The following PCNT variants were observed in gnomAD, a reference collection of about 807,000 sequenced individuals.
PCNT encodes the protein pericentrin.
PCNT carries 319 observed loss-of-function variants against 380.4 expected under a neutral mutation model. That is an observed-to-expected ratio of 0.84 (90% confidence interval 0.77 to 0.92). PCNT has a LOEUF of 0.92. PCNT is among the 40% of genes least tolerant of loss of function. PCNT has a pLI of 0.00. For synonymous variants in PCNT, 1,845 were observed against 1,735.2 expected (o/e 1.06, Z -1.57); for missense variants, 4,400 against 4,255.3 (o/e 1.03, Z -0.95).
intron 10 of PCNT, among the ~76,000 whole-genome samples, chr21:46,353,718 G>A (rs2084362337): frequency 3.0e-5 from 2 of 67,000 alleles, no homozygotes; most frequent in Admixed American, 1.4e-4. Context: ...TCCTCCAGGT[G>A]TGTGTGTGTG....
At chr21:46,438,958 C>T (rs909410787) in intron 41 of PCNT, among the ~76,000 whole-genome samples, 7 of 152,056 alleles carry the variant, frequency 4.6e-5, no homozygotes, top group South Asian at 2.1e-4. Flanking sequence ...CATGAGCCAC[C>T]GTGCCCGGCC....
chr21:46,444,854 C>T (rs753559224), intron 46 of PCNT, 33 bp downstream of exon 46: 2 of 1,601,146 alleles, frequency 1.2e-6, no homozygotes, highest in Non-Finnish European at 1.7e-6. Flanking sequence ...ATTTATTAAG[C>T]TGATTATCAC....
At chr21:46,407,337 T>C (rs2086648175) in intron 27 of PCNT, among the ~76,000 whole-genome samples, 1 of 129,378 alleles carries the variant, frequency 7.7e-6, no homozygotes. Flanking sequence ...GTTTATACTT[T>C]CTCTTTTTTT....
intron 2 of PCNT, among the ~76,000 whole-genome samples, chr21:46,333,016 G>A (rs2083605886): frequency 6.6e-6 from 1 of 152,250 alleles, no homozygotes; most frequent in African/African-American, 2.4e-5. Flanking sequence ...AGGTGGCTGA[G>A]GCAGGAGGAT....
At chr21:46,424,453 A>G (rs1375578878) in intron 32 of PCNT, among the ~76,000 whole-genome samples, 1 of 152,120 alleles carries the variant, frequency 6.6e-6, no homozygotes, top group East Asian at 1.9e-4. Context: ...TAAGGTACCC[A>G]CTGGTCTCTG....
chr21:46,381,878 T>A, intron 16 of PCNT, 38 bp downstream of exon 16: 1 of 1,608,860 alleles, frequency 6.2e-7, no homozygotes, highest in Non-Finnish European at 8.5e-7. Context: ...ATAAGACGTG[T>A]ATAGCATAAA....
chr21:46,326,640 T>A, intron 2 of PCNT, 51 bp downstream of exon 2: 2 of 1,547,594 alleles, frequency 1.3e-6, no homozygotes, highest in Middle Eastern at 1.8e-4. Flanking sequence ...TTCTAGTGAT[T>A]TCTAGTGTGA....
chr21:46,398,820 C>CTT (rs11331073), intron 24 of PCNT, among the ~76,000 whole-genome samples: 10 of 114,560 alleles, frequency 8.7e-5, no homozygotes, highest in East Asian at 4.9e-4. Flanking sequence ...TTTTCTTTTT[C>CTT]TTTTTTTTTT....
intron 37 of PCNT, 158 bp from the exon 38 acceptor site, chr21:46,431,371 A>G (rs1383912656): frequency 6.8e-7 from 1 of 1,469,152 alleles, no homozygotes; most frequent in East Asian, 2.5e-5. Context: ...TACTTGATGA[A>G]CTAACAAAAA....
chr21:46,379,265 G>A (rs1195741532), intron 15 of PCNT, among the ~76,000 whole-genome samples: 1 of 152,054 alleles, frequency 6.6e-6, no homozygotes, highest in Non-Finnish European at 1.5e-5. Context: ...CGTCTTCCTG[G>A]GCTGCGTGTC....
chr21:46,338,906 G>A (rs939031794), intron 3 of PCNT, among the ~76,000 whole-genome samples: 1 of 152,054 alleles, frequency 6.6e-6, no homozygotes, highest in African/African-American at 2.4e-5. Flanking sequence ...TCAGCCTCCC[G>A]AGTACCTGGG....
rs1047275318 is a variant in PCNT at position 46,388,615 on chromosome 21, G to T, written c.3465-127G>T. ...CATGGGCATGAGGATCATGTCTTCC[G>T]GCCCCGTGGGGACAGGCAGCCGTGG... is the stretch of plus-strand genomic sequence containing the variant. On this transcript the variant is annotated intron_variant, in intron 17 of 46. Coordinates refer to ENST00000359568, the MANE Select transcript of PCNT (RefSeq NM_006031.6). The surrounding 1 kb of genome is among the most constrained non-coding windows in gnomAD (Gnocchi z 4.2). 8.4e-7 allele frequency: 1 copy of T among 1,189,030 alleles called. No individual in the cohort carries two copies. The highest frequency in any genetic ancestry group is 1.7e-5 in the Admixed American group (1 of 58,360). 73.7% of individuals were successfully genotyped at this position (1,189,030 alleles called of 1,614,324 possible). A position where few individuals can be genotyped will look rare whatever the true frequency, so the allele number is the denominator to read the frequency against.
At chr21:46,364,895 C>T (rs1304293490) in intron 14 of PCNT, among the ~76,000 whole-genome samples, 1 of 152,238 alleles carries the variant, frequency 6.6e-6, no homozygotes, top group Non-Finnish European at 1.5e-5. Context: ...ACCAAGGAGG[C>T]CCTCAAGAGA....
chr21:46,324,886 C>T (rs1601726835), intron 1 of PCNT: 3 of 985,346 alleles, frequency 3.0e-6, no homozygotes, highest in South Asian at 9.4e-5. Flanking sequence ...GCGTTTCTCG[C>T]GGCGTTGCAG....
rs1296500904 is a variant in PCNT, at chr21:46,401,594, T to C, written c.4835T>C (p.Leu1612Pro). The C allele has an allele frequency of 6.8e-6, 11 of 1,613,996 alleles. No individual in the cohort carries two copies. The highest frequency in any genetic ancestry group is 2.2e-5 in the East Asian group (1 of 44,896). Residue 1612 changes from leucine to proline, a missense_variant, in exon 26 of 47, where the codon CTG becomes CCG. Physicochemically the swap from Leu to Pro is moderately conservative, Grantham distance 98. Coordinates refer to ENST00000359568, the MANE Select transcript of PCNT (RefSeq NM_006031.6). ...AAACAGCAGATGAGTAGCTTGCTTC[T>C]GGCGTCCACGTTGCAGTCTACACTA... ...LKKQQMSSLLLASTLQSTLDA... is the reference protein window; with the variant it reads ...LKKQQMSSLLPASTLQSTLDA...
chr21:46,426,069 C>CA, intron 33 of PCNT, 98 bp downstream of exon 33: 2 of 306,148 alleles, frequency 6.5e-6, no homozygotes, highest in Non-Finnish European at 5.5e-6. Context: ...GGATTTCTTT[C>CA]TTTTTTTTTT....
intron 13 of PCNT, among the ~76,000 whole-genome samples, chr21:46,360,398 T>C (rs1325162890): frequency 1.4e-5 from 2 of 147,844 alleles, no homozygotes; most frequent in African/African-American, 2.5e-5. Context: ...TAGTTTTTTT[T>C]TTACATTTTT....
intron 16 of PCNT, 48 bp downstream of exon 16, chr21:46,381,888 A>C (rs778803030): frequency 6.2e-7 from 1 of 1,601,590 alleles, no homozygotes; most frequent in South Asian, 1.1e-5. Flanking sequence ...TATAGCATAA[A>C]AATCATTTTC....
At position 46,397,493 on chromosome 21, in the gene PCNT, A is replaced by T; in HGVS notation, c.4445A>T (p.Asp1482Val). The T allele has an allele frequency of 6.2e-7, 1 of 1,611,478 alleles. No individual in the cohort carries two copies. Among genetic ancestry groups the T allele is most frequent in the Non-Finnish European group, 8.5e-7 (1 of 1,177,688 alleles). ...TTGCGCAACCAGCGGCAATTCATGGATGTAAGAATTCTGAATAATACATTT... is the reference window on the plus strand; with the variant it reads ...TTGCGCAACCAGCGGCAATTCATGGTTGTAAGAATTCTGAATAATACATTT... ...KHLRNQRQFM[D>V]EQAAEREHER... Residue 1482 changes from aspartate (D) to valine (V), a missense_variant and splice_region_variant, in exon 22 of 47, where the codon GAT becomes GTT. Transcript: ENST00000359568.
Sources: gnomAD v4.1 joint callset for allele counts (sites outside exome capture counted in the v4.1 genomes callset) on GRCh38, gnomAD v4.1.1 for gene constraint, Gnocchi (gnomAD v3.1) non-coding constraint, MANE v1.5 for transcripts, NCBI Gene and HGNC (gene_info 2026-07-23, HGNC 2026-07-21) for gene names.